The following ZNF106 variants were observed in gnomAD, a reference collection of about 807,000 sequenced individuals.
ZNF106 encodes zinc finger protein 106.
Under a neutral mutation model 195.1 loss-of-function variants are expected in ZNF106, and 67 were observed. The ratio of observed to expected loss-of-function variants is 0.34; its 90% CI spans 0.28 to 0.42. The LOEUF (loss-of-function observed/expected upper bound fraction) is 0.42, where lower values mean the gene tolerates loss of function less well. Among genes scored for constraint, ZNF106 ranks in the 10% least tolerant of loss-of-function variants. ZNF106 has a pLI of 1.00. For synonymous variants in ZNF106, 784 were observed against 818.6 expected (o/e 0.96, Z 0.72); for missense variants, 2,118 against 2,304.5 (o/e 0.92, Z 1.66).
Position 42,421,997 on chromosome 15 carries a change from GAAAA to G in ZNF106, c.5374-13_5374-10del. On this transcript the variant is annotated splice_polypyrimidine_tract_variant and intron_variant, in intron 18 of 21. Transcript: ENST00000564754. ...TGTAATCGATCATGAGACTTAGGCA[GAAAA>G]AAAAAAAGAGAATTGAAGTTATTTA... 2 of 1,258,414 alleles carry G rather than the reference GAAAA, an allele frequency of 1.6e-6. No homozygotes were observed. The highest frequency in any genetic ancestry group is 2.1e-6 in the Non-Finnish European group (2 of 933,050). 78.0% of individuals were successfully genotyped at this position (1,258,414 alleles called of 1,614,324 possible).
Position 42,439,695 on chromosome 15 carries a change from TCTTTG to T in ZNF106, c.3877_3881del (p.Gln1293LysfsTer18). ...GAGAGTTTTCTCTGTTTCTGGTATTTCTTTGCTCCACAGAAAACTTCAGTTCTTGG... is the reference window on the plus strand; with the variant it reads ...GAGAGTTTTCTCTGTTTCTGGTATTTCTCCACAGAAAACTTCAGTTCTTGG... On this transcript the variant is annotated frameshift_variant, in exon 11 of 22. Coordinates refer to ENST00000564754, the MANE Select transcript of ZNF106 (RefSeq NM_001366845.3). LOFTEE classifies it high-confidence loss of function. 6.2e-7 allele frequency: 1 copy of T among 1,614,092 alleles called. No individual in the cohort carries two copies. The highest frequency in any genetic ancestry group is 8.5e-7 in the Non-Finnish European group (1 of 1,180,018).
intron 3 of ZNF106, among the ~76,000 whole-genome samples, chr15:42,457,952 T>C (rs947684467): frequency 6.6e-6 from 1 of 152,216 alleles, no homozygotes; most frequent in African/African-American, 2.4e-5. Context: ...AAATCTCACT[T>C]AGCCAGTCTT....
chr15:42,460,800 C>T (rs1408827855), intron 3 of ZNF106, among the ~76,000 whole-genome samples: 1 of 149,296 alleles, frequency 6.7e-6, no homozygotes, highest in African/African-American at 2.5e-5. Context: ...GTGGAGGTTG[C>T]GGTGAGCCGA....
intron 14 of ZNF106, among the ~76,000 whole-genome samples, chr15:42,432,103 C>T (rs146376476): frequency 7.9e-5 from 12 of 152,240 alleles, no homozygotes; most frequent in Non-Finnish European, 1.3e-4. Context: ...TTATATCTTT[C>T]GGGTGTGCTG....
intron 20 of ZNF106, among the ~76,000 whole-genome samples, chr15:42,419,292 G>T (rs1292870160): frequency 6.6e-6 from 1 of 152,046 alleles, no homozygotes; most frequent in Non-Finnish European, 1.5e-5. Flanking sequence ...GCTGGAACTT[G>T]GGAAGTGGAG....
At chr15:42,441,192 A>AG (rs1352151485) in intron 10 of ZNF106, among the ~76,000 whole-genome samples, 17 of 147,882 alleles carry the variant, frequency 1.1e-4, no homozygotes, top group African/African-American at 3.7e-4. Flanking sequence ...AAAAAAAAAA[A>AG]ATTAGCCGGG....
intron 4 of ZNF106, 141 bp downstream of exon 4, chr15:42,456,817 T>C: frequency 2.6e-6 from 2 of 764,600 alleles, no homozygotes; most frequent in Non-Finnish European, 4.2e-6. Context: ...TCCATTGCCC[T>C]TTGATTAGTA....
chr15:42,429,257 G>A (rs888430216), intron 14 of ZNF106, among the ~76,000 whole-genome samples: 3 of 151,114 alleles, frequency 2.0e-5, no homozygotes, highest in Non-Finnish European at 4.4e-5. Flanking sequence ...TGGCTAACAC[G>A]GTGAAACCCT....
chr15:42,451,419 G>A lies in ZNF106; in HGVS notation c.853C>T (p.Leu285=), dbSNP rs1775124962. The change falls in exon 5 of 22, where the codon CTA becomes TTA. Residue 285 remains leucine (L), a synonymous_variant. Transcript: ENST00000564754. ...SNCQMEDMTM[L]WNKKSNKSNK... Reference sequence around the variant, plus strand: ...GACTTATTAGATTTCTTGTTCCATAGCATAGTCATGTCTTCCATTTGACAG... The same window carrying A: ...GACTTATTAGATTTCTTGTTCCATAACATAGTCATGTCTTCCATTTGACAG... 1.2e-6 allele frequency: 2 copies of A among 1,614,148 alleles called. No homozygotes were observed. Among genetic ancestry groups the A allele is most frequent in the Non-Finnish European group, 1.7e-6 (2 of 1,180,040 alleles).
intron 1 of ZNF106, 60 bp from the exon 2 acceptor site, chr15:42,472,381 T>C: frequency 2.3e-6 from 3 of 1,276,966 alleles, no homozygotes; most frequent in African/African-American, 1.5e-5. Context: ...TACATTCATC[T>C]TCACATAACC....
chr15:42,479,659 T>C (rs1256857901), intron 1 of ZNF106, among the ~76,000 whole-genome samples: 1 of 151,936 alleles, frequency 6.6e-6, no homozygotes, highest in Non-Finnish European at 1.5e-5. Flanking sequence ...ATGGCCAACA[T>C]GGCAAAACCC....
At chr15:42,456,643 G>A (rs1208771890) in intron 4 of ZNF106, among the ~76,000 whole-genome samples, 21 of 149,656 alleles carry the variant, frequency 1.4e-4, no homozygotes, top group Admixed American at 1.3e-3. Flanking sequence ...GTGACAGAGT[G>A]AGACTCCATC....
chr15:42,446,512 G>C, intron 7 of ZNF106, 77 bp downstream of exon 7: 1 of 1,136,512 alleles, frequency 8.8e-7, no homozygotes, highest in Non-Finnish European at 1.3e-6. Flanking sequence ...AAGAGTTGGA[G>C]GTTACCAAAA....
intron 2 of ZNF106, among the ~76,000 whole-genome samples, chr15:42,469,280 C>T (rs1206268966): frequency 6.6e-6 from 1 of 152,176 alleles, no homozygotes; most frequent in Non-Finnish European, 1.5e-5. Flanking sequence ...ATCCCCTTTA[C>T]TTGAGCTAAA....
At chr15:42,464,522 CTT>C (rs928173954) in intron 3 of ZNF106, among the ~76,000 whole-genome samples, 35 of 113,476 alleles carry the variant, frequency 3.1e-4, no homozygotes, top group African/African-American at 5.2e-4. Context: ...ACACATGCTA[CTT>C]TTTTTTTTTT....
At chr15:42,459,554 A>G (rs1360050223) in intron 3 of ZNF106, among the ~76,000 whole-genome samples, 1 of 152,230 alleles carries the variant, frequency 6.6e-6, no homozygotes, top group Admixed American at 6.5e-5. Context: ...TTTTCTCTCA[A>G]GCAATTAAAT....
chr15:42,480,660 T>C (rs73402785), intron 1 of ZNF106, among the ~76,000 whole-genome samples: 17,895 of 152,180 alleles, frequency 0.12, 1,386 homozygotes, highest in African/African-American at 0.22. Flanking sequence ...TTCCAACATA[T>C]ATCTTTACCA....
At position 42,421,127 on chromosome 15, in the gene ZNF106, G is replaced by A. The variant is rs2141258722; in HGVS notation, c.5451C>T (p.Tyr1817=). 6.2e-7 allele frequency: 1 copy of A among 1,614,024 alleles called. No homozygotes were observed. Among genetic ancestry groups the A allele is most frequent in the Non-Finnish European group, 8.5e-7 (1 of 1,179,982 alleles). Reference sequence around the variant, plus strand: ...GAATACTGCCATCATAACAGCCAGTGTAAATCTGGAGAAAGAGAGGTTTAT... The same window carrying A: ...GAATACTGCCATCATAACAGCCAGTATAAATCTGGAGAAAGAGAGGTTTAT... ...MCMTIHKSMI[Y]TGCYDGSIQA... Residue 1817 remains tyrosine (Y), a synonymous_variant, in exon 20 of 22, where the codon TAC becomes TAT. Coordinates refer to ENST00000564754, the MANE Select transcript of ZNF106 (RefSeq NM_001366845.3).
rs56924955 is a variant in ZNF106 at position 42,440,998 on chromosome 15, AATATATATATATATATATAT to A, written c.3763+1055_3763+1074del. ...AAACTCTGTCTAAAAAAAAAAAAAA[AATATATATATATATATATAT>A]ATATATATATATATATATATATATA... On this transcript the variant is annotated intron_variant, in intron 10 of 21. Coordinates refer to ENST00000564754, the MANE Select transcript of ZNF106 (RefSeq NM_001366845.3). 1.2e-3 allele frequency among the ~76,000 whole-genome samples: 28 copies of A among 23,582 alleles called. 1 individual carries two copies. The East Asian group carries it at 0.013, about 11-fold the overall frequency. 15.5% of individuals were successfully genotyped at this position (23,582 alleles called of 152,430 possible).
Sources: gnomAD v4.1 joint callset for allele counts (sites outside exome capture counted in the v4.1 genomes callset) on GRCh38, gnomAD v4.1.1 for gene constraint, MANE v1.5 for transcripts, NCBI Gene and HGNC (gene_info 2026-07-23, HGNC 2026-07-21) for gene names.